The following CADM2 variants were observed in gnomAD, a reference collection of about 807,000 sequenced individuals.
CADM2 encodes immunoglobulin superfamily member 4D.
CADM2 carries 12 observed loss-of-function variants against 49.8 expected under a neutral mutation model. That is an observed-to-expected ratio of 0.24 (90% CI 0.15 to 0.39). CADM2 has a LOEUF of 0.39. CADM2 is among the 10% of genes least tolerant of loss of function. The pLI is 1.00. For synonymous variants in CADM2, 214 were observed against 175.4 expected (o/e 1.22, Z -1.74); for missense variants, 378 against 492.3 (o/e 0.77, Z 2.20).
intron 1 of CADM2, among the ~76,000 whole-genome samples, chr3:85,614,697 A>G (rs1426424660): frequency 1.3e-5 from 2 of 151,782 alleles, no homozygotes; most frequent in Non-Finnish European, 2.9e-5. Flanking sequence ...GTTGGCCCCT[A>G]TGTCTATATA....
At chr3:85,506,476 A>G (rs959995715) in intron 1 of CADM2, among the ~76,000 whole-genome samples, 5 of 152,216 alleles carry the variant, frequency 3.3e-5, no homozygotes, top group African/African-American at 9.6e-5. Flanking sequence ...ATTCAGCAGC[A>G]TGTGTTGAAA....
At chr3:85,947,456 TTAAC>T (rs1311399795) in intron 7 of CADM2, among the ~76,000 whole-genome samples, 2 of 151,442 alleles carry the variant, frequency 1.3e-5, no homozygotes, top group East Asian at 3.9e-4. Context: ...ATTGTCTCAA[TTAAC>T]TAATTAAAAA....
intron 1 of CADM2, among the ~76,000 whole-genome samples, chr3:85,073,230 T>C (rs958773900): frequency 6.6e-6 from 1 of 152,160 alleles, no homozygotes; most frequent in Non-Finnish European, 1.5e-5. Flanking sequence ...ATACAACTTA[T>C]TAGTGTTGTG....
At chr3:85,764,738 T>C (rs1047417933) in intron 2 of CADM2, among the ~76,000 whole-genome samples, 1 of 152,060 alleles carries the variant, frequency 6.6e-6, no homozygotes, top group Non-Finnish European at 1.5e-5. Context: ...AAATTGCAAG[T>C]TCCTAGATGA....
intron 2 of CADM2, among the ~76,000 whole-genome samples, chr3:85,788,108 G>T (rs934104358): frequency 2.6e-5 from 4 of 152,030 alleles, no homozygotes; most frequent in African/African-American, 9.7e-5. Context: ...TGGTGGGCAA[G>T]AATCATTTCT....
intron 1 of CADM2, among the ~76,000 whole-genome samples, chr3:85,378,231 G>T (rs2033704768): frequency 6.6e-6 from 1 of 151,942 alleles, no homozygotes; most frequent in South Asian, 2.1e-4. Flanking sequence ...CTTGGACCAG[G>T]TCTCTGTCTA....
chr3:85,188,970 G>T (rs1021524662), intron 1 of CADM2, among the ~76,000 whole-genome samples: 17 of 151,884 alleles, frequency 1.1e-4, no homozygotes, highest in Non-Finnish European at 1.9e-4. Flanking sequence ...GGAGGAGCTT[G>T]CAGTGAGCCG....
intron 1 of CADM2, among the ~76,000 whole-genome samples, chr3:85,458,310 T>TA (rs2038088307): frequency 6.6e-6 from 1 of 152,212 alleles, no homozygotes; most frequent in Non-Finnish European, 1.5e-5. Context: ...TATAAACTTA[T>TA]GCATTTATTA....
intron 1 of CADM2, among the ~76,000 whole-genome samples, chr3:85,475,336 C>A (rs893598338): frequency 1.3e-5 from 2 of 151,848 alleles, no homozygotes; most frequent in African/African-American, 4.8e-5. Context: ...TCTATCCTAT[C>A]CAGCTCTGTG....
intron 1 of CADM2, among the ~76,000 whole-genome samples, chr3:85,723,373 G>T (rs1039698778): frequency 1.3e-5 from 2 of 151,962 alleles, no homozygotes; most frequent in Non-Finnish European, 2.9e-5. Context: ...GGTCACTTGG[G>T]GTGGTGTGCA....
intron 1 of CADM2, among the ~76,000 whole-genome samples, chr3:85,197,364 A>G (rs912077062): frequency 6.6e-6 from 1 of 151,954 alleles, no homozygotes; most frequent in Non-Finnish European, 1.5e-5. Flanking sequence ...AATGTATTAG[A>G]AATTTTATAC....
intron 3 of CADM2, among the ~76,000 whole-genome samples, chr3:85,874,363 A>G (rs1394919810): frequency 6.6e-6 from 1 of 152,194 alleles, no homozygotes; most frequent in Non-Finnish European, 1.5e-5. Flanking sequence ...ATTATAAATA[A>G]CAAGGGCTGG....
intron 1 of CADM2, among the ~76,000 whole-genome samples, chr3:85,190,088 G>T (rs117845627): frequency 6.7e-6 from 1 of 149,974 alleles, no homozygotes; most frequent in Non-Finnish European, 1.5e-5. Flanking sequence ...CCTAATCTCC[G>T]AAATGAAATC....
chr3:84,996,410 T>G (rs920606990), intron 1 of CADM2, among the ~76,000 whole-genome samples: 1 of 152,108 alleles, frequency 6.6e-6, no homozygotes, highest in Non-Finnish European at 1.5e-5. Context: ...ATAAAAGGAA[T>G]TTTATTATGG....
chr3:85,888,064 C>A (rs1713916969), intron 5 of CADM2, among the ~76,000 whole-genome samples: 1 of 152,148 alleles, frequency 6.6e-6, no homozygotes, highest in Non-Finnish European at 1.5e-5. Context: ...CAATGAATTA[C>A]TTTATTACCT....
At chr3:85,987,605 A>AATTATAATT (rs1273409349) in intron 8 of CADM2, among the ~76,000 whole-genome samples, 1 of 147,026 alleles carries the variant, frequency 6.8e-6, no homozygotes, top group East Asian at 1.9e-4. Flanking sequence ...TGTTATAATA[A>AATTATAATT]ATTATAATTA....
intron 1 of CADM2, among the ~76,000 whole-genome samples, chr3:85,201,766 A>G (rs902941970): frequency 9.9e-5 from 15 of 152,048 alleles, no homozygotes; most frequent in African/African-American, 3.6e-4. Context: ...TCCATAAACC[A>G]CTTTGTTTGC....
At chr3:85,660,209 G>C (rs1427397996) in intron 1 of CADM2, among the ~76,000 whole-genome samples, 1 of 152,036 alleles carries the variant, frequency 6.6e-6, no homozygotes, top group Non-Finnish European at 1.5e-5. Flanking sequence ...TAAAATATTT[G>C]AGTTCGTTGA....
chr3:85,959,063 T>TAG (rs10646794), intron 7 of CADM2, among the ~76,000 whole-genome samples: 1 of 151,120 alleles, frequency 6.6e-6, no homozygotes, highest in African/African-American at 2.4e-5. Flanking sequence ...TATATCTATA[T>TAG]CTATATATCT....
Sources: allele counts gnomAD v4.1 joint callset (sites outside exome capture counted in the v4.1 genomes callset), GRCh38; gene constraint gnomAD v4.1.1; transcripts MANE v1.5; gene names NCBI Gene and HGNC (gene_info 2026-07-23, HGNC 2026-07-21).